The following ZNF90 variants were observed in gnomAD, a reference collection of about 807,000 sequenced individuals.
ZNF90 encodes zinc finger protein 90.
Under a neutral mutation model 12.0 loss-of-function variants are expected in ZNF90, and 11 were observed. The observed-to-expected ratio is 0.92, with a 90% CI of 0.58 to 1.52. The LOEUF is 1.52. Ranked by LOEUF, ZNF90 falls within the 40% of genes most tolerant of loss-of-function variation. ZNF90 has a pLI of 0.00. For synonymous variants in ZNF90, 232 were observed against 240.1 expected (o/e 0.97, Z 0.31); for missense variants, 765 against 711.5 (o/e 1.08, Z -0.86).
chr19:20,097,630 C>T (rs538746058), intron 1 of ZNF90, among the ~76,000 whole-genome samples: 61 of 152,292 alleles, frequency 4.0e-4, no homozygotes, highest in African/African-American at 1.2e-3. Flanking sequence ...AAAATGCTCA[C>T]AAATGTGCTA....
intron 1 of ZNF90, chr19:20,080,361 A>G: frequency 2.2e-6 from 1 of 457,780 alleles, no homozygotes; most frequent in Non-Finnish European, 4.3e-6. Flanking sequence ...TCCCCCGTCC[A>G]GCCTCAGGGC....
intron 3 of ZNF90, among the ~76,000 whole-genome samples, chr19:20,112,342 G>A (rs985666292): frequency 6.6e-6 from 1 of 150,894 alleles, no homozygotes; most frequent in Non-Finnish European, 1.5e-5. Flanking sequence ...ATTTTTTTGA[G>A]ATGGAGTCTT....
Position 20,119,561 on chromosome 19 carries a change from TACTGG to T in ZNF90, c.*204_*208del. ...CTCAACCCTTACTACACATAATTCA[TACTGG>T]ACGGAAACTCTACAGGTGTGAAAAA... On this transcript the variant is annotated 3_prime_UTR_variant, in exon 4 of 4. Coordinates refer to ENST00000418063, the MANE Select transcript of ZNF90 (RefSeq NM_007138.2). The T allele has an allele frequency of 1.8e-6, 1 of 544,674 alleles. No homozygotes were observed. The highest frequency in any genetic ancestry group is 3.1e-5 in the East Asian group (1 of 32,644). 33.7% of individuals were successfully genotyped at this position (544,674 alleles called of 1,614,324 possible). A position where few individuals can be genotyped will look rare whatever the true frequency, so the allele number is the denominator to read the frequency against.
At chr19:20,112,907 C>CT (rs34290956) in intron 3 of ZNF90, among the ~76,000 whole-genome samples, 3 of 151,666 alleles carry the variant, frequency 2.0e-5, no homozygotes, top group Admixed American at 6.6e-5. Context: ...TGTTTTACTG[C>CT]TTTTTTTGCA....
rs184861392 is a variant in ZNF90 at position 20,092,282 on chromosome 19, G to A, written c.4-11957G>A. Among the ~76,000 whole-genome samples, 122 of 152,318 alleles carry A rather than the reference G, an allele frequency of 8.0e-4. 1 individual carries two copies. The highest frequency in any genetic ancestry group is 2.9e-3 in the African/African-American group (120 of 41,570). On this transcript the variant is annotated intron_variant, in intron 1 of 3. Transcript: ENST00000418063. ...GTAGAGAGTGAGTTGAGCATAGTTT[G>A]TGATTTTGAGGGCCTCTACAAGTAT...
At chr19:20,107,800 A>G (rs115487602) in intron 3 of ZNF90, among the ~76,000 whole-genome samples, 82 of 152,298 alleles carry the variant, frequency 5.4e-4, no homozygotes, top group African/African-American at 1.9e-3. Flanking sequence ...CCAGAATTTG[A>G]TGGTATACTT....
chr19:20,117,040 TGTGTGTGAGA>T (rs1555705734), intron 3 of ZNF90, among the ~76,000 whole-genome samples: 12 of 146,116 alleles, frequency 8.2e-5, no homozygotes, highest in East Asian at 4.0e-4. Flanking sequence ...TGTGTGTGTG[TGTGTGTGAGA>T]GAGAGAGAGA....
chr19:20,092,985 C>T (rs2122489939), intron 1 of ZNF90, among the ~76,000 whole-genome samples: 1 of 152,162 alleles, frequency 6.6e-6, no homozygotes, highest in Non-Finnish European at 1.5e-5. Flanking sequence ...TCCCTGAAAC[C>T]CTGCGGCAGC....
intron 1 of ZNF90, among the ~76,000 whole-genome samples, chr19:20,092,630 T>G (rs1351765737): frequency 6.6e-6 from 1 of 152,070 alleles, no homozygotes; most frequent in Non-Finnish European, 1.5e-5. Context: ...TATCCAAAGG[T>G]GAAAGTATCC....
intron 1 of ZNF90, among the ~76,000 whole-genome samples, chr19:20,090,744 G>A (rs1170841946): frequency 6.6e-6 from 1 of 152,142 alleles, no homozygotes; most frequent in Admixed American, 6.6e-5. Flanking sequence ...ATGAGGCTGG[G>A]GCCAAGCAAG....
intron 1 of ZNF90, among the ~76,000 whole-genome samples, chr19:20,100,350 C>CAAGCAGA (rs1555703718): frequency 4.6e-5 from 7 of 152,188 alleles, no homozygotes; most frequent in African/African-American, 1.2e-4. Context: ...TAGTCAGGGC[C>CAAGCAGA]TGTAAAGTGT....
chr19:20,087,085 G>C (rs2088865234), intron 1 of ZNF90: 1 of 152,156 alleles, frequency 6.6e-6, no homozygotes. Flanking sequence ...GGAGATGAGG[G>C]AACAGCAGAG....
chr19:20,090,948 T>C (rs2088897505), intron 1 of ZNF90, among the ~76,000 whole-genome samples: 1 of 152,162 alleles, frequency 6.6e-6, no homozygotes, highest in South Asian at 2.1e-4. Context: ...TGGTAAGGGA[T>C]ATGAAGTTTC....
At chr19:20,093,023 TG>T (rs1240006996) in intron 1 of ZNF90, among the ~76,000 whole-genome samples, 2 of 150,114 alleles carry the variant, frequency 1.3e-5, no homozygotes, top group Non-Finnish European at 3.0e-5. Flanking sequence ...CTGGGACTGA[TG>T]GGTGTCAGGG....
intron 2 of ZNF90, 54 bp downstream of exon 2, chr19:20,104,419 G>GT (rs1214646654): frequency 5.2e-5 from 79 of 1,521,078 alleles, no homozygotes; most frequent in African/African-American, 2.8e-4. Flanking sequence ...TTGTTTTTAT[G>GT]TTTTTTTGTG....
At chr19:20,078,342 G>A (rs935383870) in intron 1 of ZNF90, among the ~76,000 whole-genome samples, 7 of 152,060 alleles carry the variant, frequency 4.6e-5, no homozygotes, top group African/African-American at 1.7e-4. Flanking sequence ...TCTCTTCCCT[G>A]CCCTGGCCTG....
chr19:20,088,795 C>T (rs1352280558), intron 1 of ZNF90, among the ~76,000 whole-genome samples: 4 of 152,092 alleles, frequency 2.6e-5, no homozygotes, highest in Non-Finnish European at 5.9e-5. Flanking sequence ...TACAGAAGGT[C>T]GTGACAGAGG....
intron 3 of ZNF90, among the ~76,000 whole-genome samples, chr19:20,113,293 C>A (rs2058339203): frequency 6.6e-6 from 1 of 151,838 alleles, no homozygotes; most frequent in African/African-American, 2.4e-5. Context: ...TGGGTTCAAG[C>A]CCTTCTCCTG....
chr19:20,103,063 T>C (rs1292878926), intron 1 of ZNF90, among the ~76,000 whole-genome samples: 1 of 152,182 alleles, frequency 6.6e-6, no homozygotes, highest in African/African-American at 2.4e-5. Flanking sequence ...TCTGATGGAC[T>C]CAATCCTTTG....
Sources: allele counts gnomAD v4.1 joint callset (sites outside exome capture counted in the v4.1 genomes callset), GRCh38; gene constraint gnomAD v4.1.1; transcripts MANE v1.5; gene names NCBI Gene and HGNC (gene_info 2026-07-23, HGNC 2026-07-21).